Variants in TMEM161B observed in about 807,000 individuals in gnomAD.
TMEM161B encodes the protein transmembrane protein 161B.
A neutral mutation model predicts 61.8 loss-of-function variants in TMEM161B; 34 were observed. The observed-to-expected ratio is 0.55, with a 90% CI of 0.42 to 0.73. The LOEUF (loss-of-function observed/expected upper bound fraction) is 0.73. Ranked by LOEUF, TMEM161B falls within the 30% of genes least tolerant of loss-of-function variation. TMEM161B has a pLI of 0.00. For missense variants in TMEM161B, 456 were observed against 558.5 expected (o/e 0.82, Z 1.85); for synonymous variants, 167 against 192.8 (o/e 0.87, Z 1.11).
intron 5 of TMEM161B, among the ~76,000 whole-genome samples, chr5:88,213,461 C>G (rs1283558958): frequency 2.0e-5 from 3 of 151,994 alleles, no homozygotes; most frequent in African/African-American, 7.2e-5. Flanking sequence ...AACGCCATTC[C>G]ACAAAAAAAG....
chr5:88,231,819 C>T lies in TMEM161B; in HGVS notation c.108-3291G>A, dbSNP rs1215009601. 2.0e-5 allele frequency among the ~76,000 whole-genome samples: 3 copies of T among 152,256 alleles called. No individual in the cohort carries two copies. In the East Asian group the frequency reaches 5.8e-4, roughly 29 times the overall value. On this transcript the variant is annotated intron_variant, in intron 2 of 11. Transcript: ENST00000296595. ...AAATACAGGGTTAGGTTCCTGCGAG[C>T]CTCTGGTCATAACATTTTCATAAAC... is the stretch of plus-strand genomic sequence containing the variant.
chr5:88,248,979 C>T (rs1753980426), intron 1 of TMEM161B, among the ~76,000 whole-genome samples: 1 of 152,004 alleles, frequency 6.6e-6, no homozygotes, highest in South Asian at 2.1e-4. Flanking sequence ...TAACCACTGA[C>T]ACATTAGGTA....
intron 2 of TMEM161B, among the ~76,000 whole-genome samples, chr5:88,239,987 C>G (rs1006808290): frequency 6.6e-6 from 1 of 151,824 alleles, no homozygotes; most frequent in South Asian, 2.1e-4. Context: ...TATCACTTAC[C>G]TTTCACAACT....
intron 10 of TMEM161B, chr5:88,198,362 G>A (rs774979850): frequency 6.6e-6 from 1 of 152,148 alleles, no homozygotes; most frequent in African/African-American, 2.4e-5. Context: ...GGGAGGTGAT[G>A]CAGGAGGATT....
chr5:88,250,039 T>C (rs1754124108), intron 1 of TMEM161B, among the ~76,000 whole-genome samples: 1 of 152,140 alleles, frequency 6.6e-6, no homozygotes, highest in South Asian at 2.1e-4. Context: ...TCTTTCACCA[T>C]GATAGAACAA....
In TMEM161B at chr5:88,220,735, A is replaced by AAAAAAAAAAAAAAAAAG; in HGVS notation, c.290-33_290-17dup. ...TAATGCAATGCTGGAAAGAAAAAAA[A>AAAAAAAAAAAAAAAAAG]AAAAAAAAAAAAAAAAGGTCAAAAA... is the stretch of plus-strand genomic sequence containing the variant. On this transcript the variant is annotated splice_polypyrimidine_tract_variant and intron_variant, in intron 4 of 11. Transcript: ENST00000296595. 1 of 1,509,530 alleles carries AAAAAAAAAAAAAAAAAG rather than the reference A, an allele frequency of 6.6e-7. No homozygotes were observed. The highest frequency in any genetic ancestry group is 2.4e-5 in the East Asian group (1 of 41,060). The allele number at this position is 1,509,530 out of a possible 1,614,324, so 93.5% of individuals were successfully genotyped here. A position where few individuals can be genotyped will look rare whatever the true frequency, so the allele number is the denominator to read the frequency against.
At chr5:88,251,679 T>A (rs1371537550) in intron 1 of TMEM161B, among the ~76,000 whole-genome samples, 2 of 152,166 alleles carry the variant, frequency 1.3e-5, no homozygotes, top group Non-Finnish European at 2.9e-5. Flanking sequence ...AAGAACTATA[T>A]ATCAATATAA....
At chr5:88,225,976 G>T (rs1749992235) in intron 3 of TMEM161B, 110 bp from the exon 4 acceptor site, 1 of 650,526 alleles carries the variant, frequency 1.5e-6, no homozygotes, top group South Asian at 2.5e-5. Flanking sequence ...TGAAAAGGCA[G>T]AATTTCTAAT....
chr5:88,229,309 T>G (rs1750583375), intron 2 of TMEM161B, among the ~76,000 whole-genome samples: 1 of 152,174 alleles, frequency 6.6e-6, no homozygotes, highest in Admixed American at 6.5e-5. Context: ...TTATTAATTC[T>G]GTTTCTCAAC....
intron 1 of TMEM161B, among the ~76,000 whole-genome samples, chr5:88,245,460 T>G (rs538581503): frequency 1.3e-5 from 2 of 151,988 alleles, no homozygotes; most frequent in South Asian, 4.2e-4. Context: ...AAGAGATCAT[T>G]TTGTAGTCAT....
Position 88,268,819 on chromosome 5 carries a change from C to A in TMEM161B, c.-96G>T. 1 of 1,597,008 alleles carries A rather than the reference C, an allele frequency of 6.3e-7. No homozygotes were observed. Among genetic ancestry groups the A allele is most frequent in the Non-Finnish European group, 8.6e-7 (1 of 1,168,448 alleles). ...GTCCTTGAGCCGAGAGACTCTCAAA[C>A]AGCGAAAGAGAGGGTCTTCCGGCTC... On this transcript the variant is annotated 5_prime_UTR_variant, in exon 1 of 12. Coordinates refer to ENST00000296595, the MANE Select transcript of TMEM161B (RefSeq NM_153354.5).
chr5:88,186,658 G>A (rs371670178), downstream of TMEM161B, among the ~76,000 whole-genome samples: 55 of 151,998 alleles, frequency 3.6e-4, no homozygotes, highest in Admixed American at 2.9e-3. Context: ...GGCCAAGTGC[G>A]GTGGCTCACA....
At chr5:88,265,141 C>T (rs114796474) in intron 1 of TMEM161B, among the ~76,000 whole-genome samples, 1,907 of 152,208 alleles carry the variant, frequency 0.013, 30 homozygotes, top group Non-Finnish European at 0.018. Context: ...AAACTTTATG[C>T]TACCCCAAAT....
intron 5 of TMEM161B, among the ~76,000 whole-genome samples, chr5:88,213,776 AT>A (rs748445238): frequency 1.3e-5 from 2 of 152,262 alleles, no homozygotes; most frequent in African/African-American, 4.8e-5. Context: ...TCACAAAAAA[AT>A]CTCCATGTTC....
intron 1 of TMEM161B, among the ~76,000 whole-genome samples, chr5:88,262,513 T>C (rs1026536215): frequency 6.6e-6 from 1 of 152,162 alleles, no homozygotes; most frequent in African/African-American, 2.4e-5. Context: ...TATCCCTCAG[T>C]AGGTGAATAG....
chr5:88,233,277 A>T (rs929812354), intron 2 of TMEM161B, among the ~76,000 whole-genome samples: 1 of 152,138 alleles, frequency 6.6e-6, no homozygotes, highest in African/African-American at 2.4e-5. Flanking sequence ...AGTGGTGAAA[A>T]TGTGAGAGAC....
intron 2 of TMEM161B, among the ~76,000 whole-genome samples, chr5:88,234,714 T>C (rs1485692860): frequency 6.6e-6 from 1 of 152,138 alleles, no homozygotes; most frequent in Non-Finnish European, 1.5e-5. Context: ...GTACTCTTTT[T>C]GAAATGGGAA....
Position 88,228,339 on chromosome 5 carries a change from A to T in TMEM161B, c.191+106T>A, listed in dbSNP as rs563218516. On this transcript the variant is annotated intron_variant, in intron 3 of 11. Transcript: ENST00000296595. ...ATGGGTTTTGATCTCAAATTTATCA[A>T]CTACTTACAACATAATTGGTACATG... 1.1e-4 allele frequency: 90 copies of T among 822,382 alleles called. 4 individuals are homozygous for T. In the South Asian group the frequency reaches 1.5e-3, roughly 14 times the overall value. 50.9% of individuals were successfully genotyped at this position (822,382 alleles called of 1,614,324 possible).
intron 5 of TMEM161B, among the ~76,000 whole-genome samples, chr5:88,208,786 T>G (rs1746102765): frequency 6.6e-6 from 1 of 152,222 alleles, no homozygotes; most frequent in Admixed American, 6.5e-5. Flanking sequence ...TCTGTGCACG[T>G]AACTATTGAT....
Sources: gnomAD v4.1 joint callset for allele counts (sites outside exome capture counted in the v4.1 genomes callset) on GRCh38, gnomAD v4.1.1 for gene constraint, MANE v1.5 for transcripts, NCBI Gene and HGNC (gene_info 2026-07-23, HGNC 2026-07-21) for gene names.